Variants in SUPT3H observed in about 807,000 individuals in gnomAD.
SUPT3H encodes the protein transcription initiation protein SPT3 homolog.
In SUPT3H, 44 loss-of-function variants were observed where a neutral mutation model predicts 44.3. The ratio of observed to expected loss-of-function variants is 0.99; its 90% CI spans 0.78 to 1.28. The LOEUF (loss-of-function observed/expected upper bound fraction) is 1.28. Ranked by LOEUF, SUPT3H falls within the 50% of genes most tolerant of loss-of-function variation. The pLI is 0.00. For missense variants in SUPT3H, 380 were observed against 387.1 expected (o/e 0.98, Z 0.15); for synonymous variants, 124 against 125.6 (o/e 0.99, Z 0.09).
chr6:45,131,125 C>T (rs181733748), intron 2 of SUPT3H, among the ~76,000 whole-genome samples: 5 of 152,238 alleles, frequency 3.3e-5, no homozygotes, highest in East Asian at 3.9e-4. Context: ...TTAGATCACT[C>T]GCCCTGCAAG....
chr6:44,843,950 CACACACACAT>C (rs1189553797), intron 10 of SUPT3H, among the ~76,000 whole-genome samples: 2 of 150,716 alleles, frequency 1.3e-5, no homozygotes, highest in African/African-American at 2.5e-5. Flanking sequence ...CACACACACA[CACACACACAT>C]GCACAGAAAA....
At chr6:44,814,498 G>A (rs1368016257) in intron 11 of SUPT3H, among the ~76,000 whole-genome samples, 3 of 152,082 alleles carry the variant, frequency 2.0e-5, no homozygotes, top group African/African-American at 4.8e-5. Context: ...AGCAGCCTTC[G>A]AGATGGGAGG....
At chr6:45,035,993 C>T in intron 3 of SUPT3H, among the ~76,000 whole-genome samples, 1 of 151,968 alleles carries the variant, frequency 6.6e-6, no homozygotes, top group African/African-American at 2.4e-5. Context: ...ACTGAATCTA[C>T]TATTATAATT....
intron 3 of SUPT3H, among the ~76,000 whole-genome samples, chr6:45,074,078 T>C (rs891573096): frequency 2.6e-5 from 4 of 151,960 alleles, no homozygotes; most frequent in Non-Finnish European, 5.9e-5. Context: ...TAACTCTATA[T>C]GTAATTTTAG....
At chr6:45,091,856 T>G (rs1449936776) in intron 3 of SUPT3H, among the ~76,000 whole-genome samples, 1 of 151,862 alleles carries the variant, frequency 6.6e-6, no homozygotes, top group Non-Finnish European at 1.5e-5. Flanking sequence ...GGAGAAAAAG[T>G]TTTTGGTCAT....
At chr6:45,298,871 C>G (rs1018473549) in intron 2 of SUPT3H, among the ~76,000 whole-genome samples, 4 of 152,116 alleles carry the variant, frequency 2.6e-5, no homozygotes, top group African/African-American at 9.7e-5. Context: ...CTTGATCTCA[C>G]AATGATCCCT....
chr6:45,309,806 G>A (rs559836979), intron 2 of SUPT3H, among the ~76,000 whole-genome samples: 5 of 152,010 alleles, frequency 3.3e-5, no homozygotes, highest in Admixed American at 6.6e-5. Context: ...CAGTTTTCTC[G>A]GTAGACACCT....
chr6:45,016,390 C>A (rs1784278924), intron 4 of SUPT3H, among the ~76,000 whole-genome samples: 1 of 151,334 alleles, frequency 6.6e-6, no homozygotes, highest in African/African-American at 2.4e-5. Flanking sequence ...TACATGTGCA[C>A]AATGGGCAGG....
At chr6:45,260,529 T>C (rs1364418214) in intron 2 of SUPT3H, among the ~76,000 whole-genome samples, 2 of 152,164 alleles carry the variant, frequency 1.3e-5, no homozygotes, top group African/African-American at 2.4e-5. Context: ...TAATAAATCA[T>C]TTTTAAAACA....
chr6:45,303,670 G>GT (rs1554334270), intron 2 of SUPT3H, among the ~76,000 whole-genome samples: 1 of 54,872 alleles, frequency 1.8e-5, no homozygotes, highest in Non-Finnish European at 3.2e-5. Flanking sequence ...GATTCTAGAA[G>GT]TAAAAAAAAA....
intron 2 of SUPT3H, among the ~76,000 whole-genome samples, chr6:45,353,856 T>C (rs1275288577): frequency 6.8e-6 from 1 of 146,820 alleles, no homozygotes; most frequent in African/African-American, 2.5e-5. Context: ...ATAGGGAAAA[T>C]GCCAAATATA....
intron 10 of SUPT3H, among the ~76,000 whole-genome samples, chr6:44,881,898 A>G (rs1423623059): frequency 6.6e-6 from 1 of 152,194 alleles, no homozygotes; most frequent in Non-Finnish European, 1.5e-5. Flanking sequence ...GATTAGAGGG[A>G]AATTTATAGC....
chr6:44,838,602 T>C lies in SUPT3H; in HGVS notation c.913-8745A>G, dbSNP rs138423518. The stretch of plus-strand genomic sequence containing the variant: ...TTCCAAATGCCAATCTATAGGCTAG[T>C]CAATAAATGCTAAGTCTGAGACACC... On this transcript the variant is annotated intron_variant, in intron 10 of 10. Coordinates refer to ENST00000371459, the MANE Select transcript of SUPT3H (RefSeq NM_003599.4). Among the ~76,000 whole-genome samples, 8 of 152,304 alleles carry C rather than the reference T, an allele frequency of 5.3e-5. No homozygotes were observed. In the East Asian group the frequency reaches 1.3e-3, roughly 26 times the overall value.
chr6:45,231,330 T>C (rs1768007190), intron 2 of SUPT3H, among the ~76,000 whole-genome samples: 1 of 152,192 alleles, frequency 6.6e-6, no homozygotes, highest in Non-Finnish European at 1.5e-5. Context: ...AAGACTTTAT[T>C]TATCCTTCCT....
chr6:44,841,216 AGTT>A (rs1286575099), intron 10 of SUPT3H, among the ~76,000 whole-genome samples: 1 of 152,198 alleles, frequency 6.6e-6, no homozygotes, highest in African/African-American at 2.4e-5. Flanking sequence ...TATTATTATT[AGTT>A]GTTATATGAA....
chr6:45,151,878 C>T (rs1208345730), intron 2 of SUPT3H, among the ~76,000 whole-genome samples: 1 of 152,080 alleles, frequency 6.6e-6, no homozygotes, highest in East Asian at 1.9e-4. Context: ...GGACACCATG[C>T]TCTACTGGTT....
chr6:45,090,606 AAAG>A (rs1446706656), intron 3 of SUPT3H, among the ~76,000 whole-genome samples: 2 of 152,018 alleles, frequency 1.3e-5, no homozygotes, highest in African/African-American at 4.8e-5. Context: ...TTAGTGAAAA[AAAG>A]AATTAAAAAA....
At chr6:44,821,566 TG>T (rs541107732) in intron 11 of SUPT3H, among the ~76,000 whole-genome samples, 1 of 151,836 alleles carries the variant, frequency 6.6e-6, no homozygotes, top group South Asian at 2.1e-4. Flanking sequence ...TTAGAAAGAG[TG>T]GGAGGAAATA....
intron 3 of SUPT3H, among the ~76,000 whole-genome samples, chr6:45,067,382 C>A (rs191662195): frequency 0.071 from 8,709 of 122,880 alleles, 1,281 homozygotes; most frequent in African/African-American, 0.23. Flanking sequence ...CTAGGCATTA[C>A]CCTTCAGGAC....
Sources: gnomAD v4.1 joint callset for allele counts (sites outside exome capture counted in the v4.1 genomes callset) on GRCh38, gnomAD v4.1.1 for gene constraint, MANE v1.5 for transcripts, NCBI Gene and HGNC (gene_info 2026-07-23, HGNC 2026-07-21) for gene names.